Variants in MAF observed in about 807,000 individuals in gnomAD.
MAF encodes transcription factor Maf.
Under a neutral mutation model 22.0 loss-of-function variants are expected in MAF, and 10 were observed. The ratio of observed to expected loss-of-function variants is 0.45; its 90% confidence interval spans 0.28 to 0.77. The LOEUF is 0.77. Ranked by LOEUF, MAF falls within the 30% of genes least tolerant of loss-of-function variation. The pLI, the probability that MAF is intolerant of heterozygous loss-of-function variation, is 0.12. For synonymous variants in MAF, 337 were observed against 255.8 expected (o/e 1.32, Z -3.03); for missense variants, 544 against 548.4 (o/e 0.99, Z 0.08).
chr16:79,509,630 AT>A, the MAF span, among the ~76,000 whole-genome samples: 1 of 152,220 alleles, frequency 6.6e-6, no homozygotes, highest in South Asian at 2.1e-4. Context: ...ACCTGGGGAT[AT>A]TGGCCAAGGC....
chr16:79,224,802 A>T, the MAF span, among the ~76,000 whole-genome samples: 1 of 152,206 alleles, frequency 6.6e-6, no homozygotes, highest in African/African-American at 2.4e-5. Context: ...CACAACTTAC[A>T]AGGGATTATG....
the MAF span, among the ~76,000 whole-genome samples, chr16:79,422,438 G>C: frequency 6.6e-6 from 1 of 152,126 alleles, no homozygotes; most frequent in Non-Finnish European, 1.5e-5. Context: ...CCAGAGTCTT[G>C]GGTTAAAATG....
At chr16:79,214,339 GAA>G in the MAF span, among the ~76,000 whole-genome samples, 1 of 152,146 alleles carries the variant, frequency 6.6e-6, no homozygotes, top group African/African-American at 2.4e-5. Flanking sequence ...ACCACTGAAA[GAA>G]TGATTCTGGG....
At chr16:79,305,594 G>A in the MAF span, among the ~76,000 whole-genome samples, 3 of 152,150 alleles carry the variant, frequency 2.0e-5, no homozygotes, top group Admixed American at 6.5e-5. Context: ...GGATTGGGGA[G>A]TTTAGACCCT....
the MAF span, among the ~76,000 whole-genome samples, chr16:79,474,342 G>C: frequency 6.6e-6 from 1 of 152,146 alleles, no homozygotes; most frequent in Non-Finnish European, 1.5e-5. Flanking sequence ...CCCTGCAAAG[G>C]GCAGAAATCA....
chr16:79,464,117 T>A, the MAF span, among the ~76,000 whole-genome samples: 6 of 152,190 alleles, frequency 3.9e-5, no homozygotes, highest in African/African-American at 1.2e-4. Context: ...TGCTTCTACC[T>A]TCTCCCTTGA....
the MAF span, among the ~76,000 whole-genome samples, chr16:79,537,511 G>A: frequency 6.6e-6 from 1 of 152,176 alleles, no homozygotes; most frequent in Non-Finnish European, 1.5e-5. Context: ...GTGCGGCTGA[G>A]TCTTCAAGCC....
the MAF span, among the ~76,000 whole-genome samples, chr16:79,540,088 G>C: frequency 1.2e-3 from 186 of 152,240 alleles, 1 homozygote; most frequent in Non-Finnish European, 2.0e-3. Context: ...TGAGACTGCA[G>C]TGGTAGAGTC....
the MAF span, among the ~76,000 whole-genome samples, chr16:79,577,041 G>A: frequency 6.6e-6 from 1 of 152,136 alleles, no homozygotes; most frequent in East Asian, 1.9e-4. Context: ...TTAACGAAAT[G>A]TGCCATCTAT....
chr16:79,407,823 T>A, the MAF span, among the ~76,000 whole-genome samples: 11 of 152,222 alleles, frequency 7.2e-5, 1 homozygote, highest in African/African-American at 2.6e-4. Flanking sequence ...GCTCGCGGCT[T>A]CGTTTCATGA....
chr16:79,347,561 G>T, the MAF span, among the ~76,000 whole-genome samples: 3 of 152,208 alleles, frequency 2.0e-5, no homozygotes, highest in Non-Finnish European at 4.4e-5. Context: ...ATCGAGAAAA[G>T]TTCTTGCGCT....
chr16:79,588,727 G>A (rs1913010943), intron 1 of MAF, among the ~76,000 whole-genome samples: 2 of 152,030 alleles, frequency 1.3e-5, no homozygotes, highest in Admixed American at 1.3e-4. Flanking sequence ...CTCCCACAGT[G>A]CTGGGATTAC....
chr16:79,524,637 G>C, the MAF span, among the ~76,000 whole-genome samples: 2 of 152,082 alleles, frequency 1.3e-5, no homozygotes, highest in Non-Finnish European at 2.9e-5. Context: ...ATTTTGTTTT[G>C]TTTAGAATTC....
the MAF span, chr16:79,211,467 C>A: frequency 9.7e-7 from 1 of 1,033,348 alleles, no homozygotes; most frequent in African/African-American, 1.6e-5. Flanking sequence ...TGCTTTCAGC[C>A]CAGTACCCTT....
At chr16:79,314,967 A>C in the MAF span, among the ~76,000 whole-genome samples, 1 of 152,182 alleles carries the variant, frequency 6.6e-6, no homozygotes. Context: ...TTATTTCTCC[A>C]TTGTTCCTCT....
the MAF span, among the ~76,000 whole-genome samples, chr16:79,529,159 T>C: frequency 6.6e-6 from 1 of 152,094 alleles, no homozygotes; most frequent in African/African-American, 2.4e-5. Context: ...ATGTGGGAAA[T>C]TACACACTGG....
the MAF span, among the ~76,000 whole-genome samples, chr16:79,491,213 G>A: frequency 6.6e-6 from 1 of 152,128 alleles, no homozygotes; most frequent in Non-Finnish European, 1.5e-5. Context: ...CAGCAGTGAG[G>A]ACCAGACTCA....
chr16:79,461,900 TG>T, the MAF span, among the ~76,000 whole-genome samples: 2 of 152,180 alleles, frequency 1.3e-5, no homozygotes, highest in African/African-American at 4.8e-5. Flanking sequence ...CATGATTTTT[TG>T]GATTGTTTTT....
the MAF span, among the ~76,000 whole-genome samples, chr16:79,542,318 G>T: frequency 9.9e-5 from 15 of 152,144 alleles, no homozygotes; most frequent in Admixed American, 9.8e-4. Context: ...TCGCTAGCTA[G>T]GTCTGGTGTC....
Sources: gnomAD v4.1 joint callset for allele counts (sites outside exome capture counted in the v4.1 genomes callset) on GRCh38, gnomAD v4.1.1 for gene constraint, MANE v1.5 for transcripts, NCBI Gene and HGNC (gene_info 2026-07-23, HGNC 2026-07-21) for gene names.